Variants in LRMDA observed in about 807,000 individuals in gnomAD.
The protein encoded by LRMDA is leucine rich melanocyte differentiation associated.
A neutral mutation model predicts 29.8 loss-of-function variants in LRMDA; 18 were observed. That is an observed-to-expected ratio of 0.60 (90% CI 0.42 to 0.90). The LOEUF is 0.90. Among genes scored for constraint, LRMDA ranks in the 40% least tolerant of loss-of-function variants. The pLI is 0.00. For missense variants in LRMDA, 273 were observed against 273.9 expected, an observed-to-expected ratio of 1.00 and a Z score of 0.02; for synonymous variants, 125 against 109.4, an observed-to-expected ratio of 1.14 and a Z score of -0.89.
intron 2 of LRMDA, among the ~76,000 whole-genome samples, chr10:75,834,639 T>C (rs1844402816): frequency 6.6e-6 from 1 of 152,218 alleles, no homozygotes; most frequent in Non-Finnish European, 1.5e-5. Context: ...TCCAACTTTA[T>C]TGCTTTCAAG....
intron 2 of LRMDA, among the ~76,000 whole-genome samples, chr10:75,505,051 T>C (rs911679719): frequency 7.9e-5 from 12 of 152,080 alleles, no homozygotes; most frequent in Admixed American, 7.9e-4. Context: ...AGATAGGTTA[T>C]GGGAAAGAGA....
intron 6 of LRMDA, among the ~76,000 whole-genome samples, chr10:76,337,553 A>G (rs949289937): frequency 3.9e-5 from 6 of 152,308 alleles, no homozygotes; most frequent in African/African-American, 1.4e-4. Flanking sequence ...CCTGGCATAC[A>G]TGAAGCACAA....
intron 5 of LRMDA, among the ~76,000 whole-genome samples, chr10:76,241,163 C>T (rs1371824281): frequency 6.6e-6 from 1 of 152,072 alleles, no homozygotes; most frequent in African/African-American, 2.4e-5. Flanking sequence ...GTACAGTGTA[C>T]ACTTTGCAGG....
chr10:75,621,564 G>A (rs546057641), intron 2 of LRMDA, among the ~76,000 whole-genome samples: 9 of 152,150 alleles, frequency 5.9e-5, no homozygotes, highest in African/African-American at 9.6e-5. Flanking sequence ...GTGTTGCTTC[G>A]TGTGTCCCTT....
intron 2 of LRMDA, among the ~76,000 whole-genome samples, chr10:75,461,153 G>A (rs912025789): frequency 6.6e-6 from 1 of 152,144 alleles, no homozygotes; most frequent in African/African-American, 2.4e-5. Flanking sequence ...CAGAAATGAA[G>A]ACCCAAAGAA....
chr10:76,110,197 T>A (rs922302819), intron 5 of LRMDA, among the ~76,000 whole-genome samples: 1 of 152,190 alleles, frequency 6.6e-6, no homozygotes, highest in Non-Finnish European at 1.5e-5. Context: ...CCCCTACAGG[T>A]ATGCAAGTCA....
chr10:75,877,500 T>C (rs1845217796), intron 2 of LRMDA, among the ~76,000 whole-genome samples: 1 of 152,220 alleles, frequency 6.6e-6, no homozygotes, highest in Admixed American at 6.5e-5. Context: ...CACACTGTAT[T>C]TGTGTTTGTA....
intron 5 of LRMDA, among the ~76,000 whole-genome samples, chr10:76,254,413 G>GCTATGCTATGCTATA (rs1564701595): frequency 4.1e-5 from 6 of 144,984 alleles, no homozygotes; most frequent in East Asian, 2.1e-4. Flanking sequence ...GCTATGCTAT[G>GCTATGCTATGCTATA]CTATACTATA....
rs532937374 is a variant in LRMDA, at chr10:75,642,122, C to T, written c.131+203628C>T. On this transcript the variant is annotated intron_variant, in intron 2 of 6. Transcript: ENST00000611255. ...GAAGGGGGTAAAGAAACAGATTCTT[C>T]GCAGATTCATGAACAGGGTGGATCT... Among the ~76,000 whole-genome samples the T allele has an allele frequency of 5.9e-5, 9 of 152,178 alleles. No individual in the cohort carries two copies. In the South Asian group the frequency reaches 6.2e-4, roughly 11 times the overall value.
At chr10:76,023,147 TCC>T (rs939251975) in intron 2 of LRMDA, among the ~76,000 whole-genome samples, 14 of 152,080 alleles carry the variant, frequency 9.2e-5, no homozygotes, top group African/African-American at 3.4e-4. Context: ...CATCTCAAGA[TCC>T]ATCCATTATG....
At chr10:75,585,507 G>A (rs775649171) in intron 2 of LRMDA, among the ~76,000 whole-genome samples, 1 of 152,124 alleles carries the variant, frequency 6.6e-6, no homozygotes, top group African/African-American at 2.4e-5. Context: ...GCTGAGGAGC[G>A]GAATTACTGG....
intron 5 of LRMDA, among the ~76,000 whole-genome samples, chr10:76,123,987 C>T (rs180696072): frequency 1.3e-5 from 2 of 152,286 alleles, no homozygotes; most frequent in African/African-American, 4.8e-5. Flanking sequence ...CTTCCCCTCC[C>T]TGATCTTTTC....
At chr10:75,619,443 A>G (rs1340892231) in intron 2 of LRMDA, among the ~76,000 whole-genome samples, 1 of 152,192 alleles carries the variant, frequency 6.6e-6, no homozygotes, top group African/African-American at 2.4e-5. Flanking sequence ...GGTTTGCAGT[A>G]CACACTGCTG....
At chr10:75,833,320 C>T (rs993528580) in intron 2 of LRMDA, among the ~76,000 whole-genome samples, 3 of 152,190 alleles carry the variant, frequency 2.0e-5, no homozygotes, top group East Asian at 3.9e-4. Flanking sequence ...AAGAGCATCT[C>T]ATATTCTAAT....
At chr10:75,838,989 A>G (rs1366973491) in intron 2 of LRMDA, among the ~76,000 whole-genome samples, 1 of 152,232 alleles carries the variant, frequency 6.6e-6, no homozygotes, top group East Asian at 1.9e-4. Context: ...TGGATGGAGA[A>G]ATACAATGGA....
At chr10:76,458,957 G>A (rs1041914656) in intron 6 of LRMDA, among the ~76,000 whole-genome samples, 1 of 152,072 alleles carries the variant, frequency 6.6e-6, no homozygotes, top group Non-Finnish European at 1.5e-5. Flanking sequence ...CAAGTGTCAA[G>A]ACAAAATAGC....
intron 6 of LRMDA, among the ~76,000 whole-genome samples, chr10:76,461,026 C>G (rs551327900): frequency 8.5e-4 from 130 of 152,240 alleles, no homozygotes; most frequent in Admixed American, 3.9e-3. Context: ...AAGAACATCT[C>G]TTTCACAGAC....
At chr10:76,098,954 G>A (rs1849355618) in intron 5 of LRMDA, among the ~76,000 whole-genome samples, 1 of 152,166 alleles carries the variant, frequency 6.6e-6, no homozygotes, top group South Asian at 2.1e-4. Flanking sequence ...TACCAGATGA[G>A]CCAGTTTATC....
chr10:76,106,408 A>T (rs1849485529), intron 5 of LRMDA, among the ~76,000 whole-genome samples: 1 of 152,226 alleles, frequency 6.6e-6, no homozygotes, highest in Non-Finnish European at 1.5e-5. Flanking sequence ...ATGGAGAATG[A>T]ACTCACAAAT....
Sources: gnomAD v4.1 joint callset for allele counts (sites outside exome capture counted in the v4.1 genomes callset) on GRCh38, gnomAD v4.1.1 for gene constraint, MANE v1.5 for transcripts, NCBI Gene and HGNC (gene_info 2026-07-23, HGNC 2026-07-21) for gene names.